Variants in DMXL1 observed in about 807,000 individuals in gnomAD.
DMXL1 encodes the protein Dmx like 1, also known as dmX-like protein 1.
DMXL1 carries 99 observed loss-of-function variants against 319.2 expected under a neutral mutation model. That is an observed-to-expected ratio of 0.31 (90% CI 0.26 to 0.37). DMXL1 has a LOEUF of 0.37. DMXL1 is among the 10% of genes least tolerant of loss of function. The probability of loss-of-function intolerance (pLI) is 1.00; values close to 1 mark genes in which losing one functional copy is unlikely to be tolerated. For missense variants in DMXL1, 3,745 were observed against 3,595.6 expected, an observed-to-expected ratio of 1.04 and a Z score of -1.06; for synonymous variants, 1,385 against 1,235.2, an observed-to-expected ratio of 1.12 and a Z score of -2.54.
chr5:119,177,972 A>T, intron 27 of DMXL1, 24 bp from the exon 28 acceptor site: 1 of 1,567,066 alleles, frequency 6.4e-7, no homozygotes, highest in East Asian at 2.3e-5. Context: ...AGTCAGTGAC[A>T]GCTATGTTTG....
chr5:119,210,158 C>G (rs1297512266), intron 34 of DMXL1, among the ~76,000 whole-genome samples: 2 of 151,526 alleles, frequency 1.3e-5, no homozygotes, highest in African/African-American at 4.9e-5. Flanking sequence ...ACCATGTTAC[C>G]CAGGCTGGTC....
At chr5:119,090,606 A>G (rs1211202245) in intron 1 of DMXL1, among the ~76,000 whole-genome samples, 2 of 133,716 alleles carry the variant, frequency 1.5e-5, no homozygotes, top group Non-Finnish European at 3.1e-5. Context: ...CTTTTTGCCC[A>G]GGCTGGGGTG....
At chr5:119,191,556 G>A (rs1778703807) in intron 29 of DMXL1, among the ~76,000 whole-genome samples, 1 of 152,098 alleles carries the variant, frequency 6.6e-6, no homozygotes, top group Non-Finnish European at 1.5e-5. Flanking sequence ...GCTGGATATA[G>A]GATTGTTGGT....
chr5:119,123,260 C>A (rs1762632904), intron 9 of DMXL1, among the ~76,000 whole-genome samples: 3 of 151,272 alleles, frequency 2.0e-5, no homozygotes, highest in African/African-American at 7.3e-5. Context: ...GCAGTACAGT[C>A]CAGCTTCGGC....
rs1205324901 is a variant in DMXL1, at chr5:119,071,494, G to A, written c.-76G>A. ...CGAAGAGCGGCCGCCGCCCCTGAGG[G>A]AAGGAGGGAGGGAAGCAGCCGCTGA... On this transcript the variant is annotated 5_prime_UTR_variant, in exon 1 of 44. Coordinates refer to ENST00000539542, the MANE Select transcript of DMXL1 (RefSeq NM_001290321.3). 1 of 1,428,452 alleles carries A rather than the reference G, an allele frequency of 7.0e-7. No homozygotes were observed. Among genetic ancestry groups the A allele is most frequent in the Non-Finnish European group, 9.6e-7 (1 of 1,036,422 alleles). The allele number at this position is 1,428,452 out of a possible 1,614,324, so 88.5% of individuals were successfully genotyped here. A position where few individuals can be genotyped will look rare whatever the true frequency, so the allele number is the denominator to read the frequency against.
chr5:119,137,142 A>T (rs114669786), intron 13 of DMXL1, among the ~76,000 whole-genome samples: 1 of 152,246 alleles, frequency 6.6e-6, no homozygotes, highest in Non-Finnish European at 1.5e-5. Flanking sequence ...ACCTGTGTCA[A>T]TGTGCCCTGG....
intron 34 of DMXL1, among the ~76,000 whole-genome samples, chr5:119,213,290 G>C (rs536062080): frequency 6.6e-6 from 1 of 152,018 alleles, no homozygotes; most frequent in Admixed American, 6.6e-5. Flanking sequence ...TCTAATTTCT[G>C]CTCTGTATGC....
intron 5 of DMXL1, among the ~76,000 whole-genome samples, chr5:119,111,711 C>A (rs964722959): frequency 6.6e-6 from 1 of 152,106 alleles, no homozygotes; most frequent in Non-Finnish European, 1.5e-5. Flanking sequence ...CAGTTTTGGG[C>A]AAATGCGTTT....
chr5:119,133,574 C>T lies in DMXL1; in HGVS notation c.1650C>T (p.Ala550=), dbSNP rs1188787664. 3 of 1,614,016 alleles carry T rather than the reference C, an allele frequency of 1.9e-6. No individual in the cohort carries two copies. The African/African-American group carries it at 4.0e-5, about 22-fold the overall frequency. ...TCTGTAAAAGCATAATGATGTATGCCTGTACCAAGAATGTTGACTTGGCTA... is the reference window on the plus strand; with the variant it reads ...TCTGTAAAAGCATAATGATGTATGCTTGTACCAAGAATGTTGACTTGGCTA... ...NSLCKSIMMY[A]CTKNVDLAIQ... The change falls in exon 12 of 44, where the codon GCC becomes GCT. Residue 550 remains alanine (A), a synonymous_variant. Transcript: ENST00000539542.
intron 10 of DMXL1, among the ~76,000 whole-genome samples, chr5:119,132,342 G>T (rs139648474): frequency 6.6e-6 from 1 of 152,124 alleles, no homozygotes. Flanking sequence ...ATTTTGTGTT[G>T]TTATAATGAA....
intron 40 of DMXL1, 93 bp from the exon 41 acceptor site, chr5:119,238,896 A>G: frequency 6.6e-7 from 1 of 1,526,570 alleles, no homozygotes; most frequent in Non-Finnish European, 8.8e-7. Context: ...TAAGAAAGCC[A>G]GAAACTACAT....
chr5:119,090,063 C>T (rs1321593439), intron 1 of DMXL1, among the ~76,000 whole-genome samples: 1 of 109,006 alleles, frequency 9.2e-6, no homozygotes, highest in Non-Finnish European at 1.7e-5. Flanking sequence ...TCTTGTCGCC[C>T]ATGCTGGAGT....
At chr5:119,193,435 C>A (rs1779051425) in intron 29 of DMXL1, among the ~76,000 whole-genome samples, 1 of 152,124 alleles carries the variant, frequency 6.6e-6, no homozygotes, top group African/African-American at 2.4e-5. Flanking sequence ...AGAGGCCTTC[C>A]ATGGTCAGCT....
rs116476171 is a variant in DMXL1 at position 119,097,938 on chromosome 5, T to A, written c.88-41T>A. 4.8e-4 allele frequency: 731 copies of A among 1,515,414 alleles called. 9 individuals carry two copies. In the African/African-American group the frequency reaches 9.6e-3, roughly 20 times the overall value. The allele number at this position is 1,515,414 out of a possible 1,614,324, so 93.9% of individuals were successfully genotyped here. A position where few individuals can be genotyped will look rare whatever the true frequency, so the allele number is the denominator to read the frequency against. ...ACTAGTATTCTACATGGTAAATGTT[T>A]CCTTGACACTTTTATCATTTTTATT... On this transcript the variant is annotated intron_variant, in intron 1 of 43. Coordinates refer to ENST00000539542, the MANE Select transcript of DMXL1 (RefSeq NM_001290321.3).
rs760924229 is a variant in DMXL1, at chr5:119,129,322, C to G, written c.1214C>G (p.Ser405Cys). ...LNNKELHFTL[S>C]MEVFLQQLRK... ...AATAAAGAACTGCATTTTACTTTGT[C>G]CATGGAAGTTTTTTTACAGCAACTT... The change falls in exon 10 of 44, where the codon TCC becomes TGC. Residue 405 changes from serine (S) to cysteine (C), a missense_variant. This residue lies in a region of DMXL1 where 2,096 missense variants were observed against 1,985.4 expected (regional missense o/e 1.06). Coordinates refer to ENST00000539542, the MANE Select transcript of DMXL1 (RefSeq NM_001290321.3). The G allele has an allele frequency of 9.9e-6, 16 of 1,613,658 alleles. No homozygotes were observed. Among genetic ancestry groups the G allele is most frequent in the Non-Finnish European group, 1.4e-5 (16 of 1,179,800 alleles).
intron 26 of DMXL1, among the ~76,000 whole-genome samples, chr5:119,176,508 A>T (rs891613647): frequency 6.6e-6 from 1 of 151,886 alleles, no homozygotes; most frequent in Non-Finnish European, 1.5e-5. Context: ...TTTCCTATCT[A>T]TGATTTCTAT....
At chr5:119,194,792 T>C (rs1779316611) in intron 30 of DMXL1, among the ~76,000 whole-genome samples, 2 of 152,160 alleles carry the variant, frequency 1.3e-5, no homozygotes, top group South Asian at 4.1e-4. Context: ...TGGTGGCCTA[T>C]GCCTGTAATC....
chr5:119,214,336 C>T (rs1399892170), intron 34 of DMXL1, among the ~76,000 whole-genome samples: 1 of 152,146 alleles, frequency 6.6e-6, no homozygotes, highest in Non-Finnish European at 1.5e-5. Context: ...TTCCTACTGC[C>T]CTAATCCAAC....
chr5:119,151,896 T>A, intron 18 of DMXL1, 33 bp from the exon 19 acceptor site: 1 of 1,484,534 alleles, frequency 6.7e-7, no homozygotes, highest in Non-Finnish European at 9.4e-7. Context: ...AATTTTTTTT[T>A]TAATACATTG....
Sources: allele counts gnomAD v4.1 joint callset (sites outside exome capture counted in the v4.1 genomes callset), GRCh38; gene constraint gnomAD v4.1.1; regional missense constraint gnomAD v4.1.1; transcripts MANE v1.5; gene names NCBI Gene and HGNC (gene_info 2026-07-23, HGNC 2026-07-21).